The following FBXO25 variants were observed in gnomAD, a reference collection of about 807,000 sequenced individuals.
FBXO25 encodes the protein F-box only protein 25.
In FBXO25, 45 loss-of-function variants were observed where a neutral mutation model predicts 51.9. That is an observed-to-expected ratio of 0.87 (90% CI 0.68 to 1.11). FBXO25 has a LOEUF of 1.11. FBXO25 is among the 50% of genes most tolerant of loss of function. The probability of loss-of-function intolerance (pLI) is 0.00; values close to 1 mark genes in which losing one functional copy is unlikely to be tolerated. For missense variants in FBXO25, 507 were observed against 428.5 expected, an observed-to-expected ratio of 1.18 and a Z score of -1.62; for synonymous variants, 199 against 151.0, an observed-to-expected ratio of 1.32 and a Z score of -2.33.
At chr8:419,564 A>G (rs1797027687) in intron 2 of FBXO25, among the ~76,000 whole-genome samples, 1 of 152,164 alleles carries the variant, frequency 6.6e-6, no homozygotes, top group African/African-American at 2.4e-5. Flanking sequence ...TCCATGGAGA[A>G]AGTGTAATCT....
In FBXO25 at chr8:469,759, G is replaced by C. The variant is rs761440202; in HGVS notation, c.*955G>C. Reference sequence around the variant, plus strand: ...TGAAAAATCCCCTCAGCAGGCATAGGATAGAAACGTATTGTTGTATATTTC... The same window carrying C: ...TGAAAAATCCCCTCAGCAGGCATAGCATAGAAACGTATTGTTGTATATTTC... On this transcript the variant is annotated 3_prime_UTR_variant, in exon 10 of 10. Coordinates refer to ENST00000350302, the MANE Select transcript of FBXO25 (RefSeq NM_183420.2). 1 of 152,144 alleles carries C rather than the reference G, an allele frequency of 6.6e-6. No homozygotes were observed. The highest frequency in any genetic ancestry group is 1.5e-5 in the Non-Finnish European group (1 of 68,028). 9.4% of individuals were successfully genotyped at this position (152,144 alleles called of 1,614,324 possible). A position where few individuals can be genotyped will look rare whatever the true frequency, so the allele number is the denominator to read the frequency against.
At chr8:425,153 C>G (rs1390651638) in intron 2 of FBXO25, among the ~76,000 whole-genome samples, 2 of 149,556 alleles carry the variant, frequency 1.3e-5, no homozygotes, top group African/African-American at 4.9e-5. Flanking sequence ...TGTCCCATTT[C>G]TATTATAACC....
chr8:418,759 A>T (rs567329803), intron 2 of FBXO25, among the ~76,000 whole-genome samples: 1 of 152,226 alleles, frequency 6.6e-6, no homozygotes, highest in Non-Finnish European at 1.5e-5. Flanking sequence ...GCACAGTGCA[A>T]CAACAGGAGA....
chr8:407,603 G>T (rs1264620977), intron 1 of FBXO25, among the ~76,000 whole-genome samples: 1 of 151,826 alleles, frequency 6.6e-6, no homozygotes, highest in East Asian at 2.0e-4. Context: ...TGTCCGCCTC[G>T]CTGGGCAAGG....
chr8:468,785 T>G lies in FBXO25; in HGVS notation c.1058T>G (p.Ile353Ser). 6.2e-7 allele frequency: 1 copy of G among 1,613,994 alleles called. No homozygotes were observed. The highest frequency in any genetic ancestry group is 8.5e-7 in the Non-Finnish European group (1 of 1,179,994). ...CFTPVSPQHFIDLFKF is the reference protein window; with the variant it reads ...CFTPVSPQHFSDLFKF The stretch of plus-strand genomic sequence containing the variant: ...ACGCCTGTGTCTCCGCAGCACTTCA[T>G]CGACCTCTTCAAGTTTTAAGGGCTG... The change falls in exon 10 of 10, where the codon ATC becomes AGC. Residue 353 changes from isoleucine (I) to serine (S), a missense_variant. Coordinates refer to ENST00000350302, the MANE Select transcript of FBXO25 (RefSeq NM_183420.2).
rs1413798557 is a variant in FBXO25, at chr8:473,659, G to C, written c.*4855G>C. On this transcript the variant is annotated 3_prime_UTR_variant, in exon 10 of 10. Transcript: ENST00000350302. ...GGGCAAGCAGGAGAAGGCACTGCTG[G>C]TGCCACAGGGGTCCTGGGCTGGCTC... 1 of 152,170 alleles carries C rather than the reference G, an allele frequency of 6.6e-6. No individual in the cohort carries two copies. The highest frequency in any genetic ancestry group is 1.5e-5 in the Non-Finnish European group (1 of 68,042). The allele number at this position is 152,170 out of a possible 1,614,324, so 9.4% of individuals were successfully genotyped here.
Position 468,737 on chromosome 8 carries a change from C to CG in FBXO25, c.1012dup (p.Ala338GlyfsTer4). 6.2e-7 allele frequency: 1 copy of CG among 1,613,980 alleles called. No homozygotes were observed. Among genetic ancestry groups the CG allele is most frequent in the South Asian group, 1.1e-5 (1 of 91,056 alleles). On this transcript the variant is annotated frameshift_variant, in exon 10 of 10. Coordinates refer to ENST00000350302, the MANE Select transcript of FBXO25 (RefSeq NM_183420.2). LOFTEE classifies it high-confidence loss of function. ...CAGGACTCAGGACACCCCTGCACGG[C>CG]GGCCGACCCTGACAGCTGCTTCACG...
At chr8:467,675 C>G (rs755521753) in intron 9 of FBXO25, 3 of 1,605,200 alleles carry the variant, frequency 1.9e-6, no homozygotes, top group South Asian at 1.1e-5. Flanking sequence ...TTTTTTCCCT[C>G]CCTTCACTGC....
intron 5 of FBXO25, among the ~76,000 whole-genome samples, chr8:436,404 C>G (rs1378107240): frequency 6.6e-6 from 1 of 152,100 alleles, no homozygotes; most frequent in East Asian, 1.9e-4. Context: ...CTTTTAATTG[C>G]TTTTAGGCAT....
chr8:468,066 C>T (rs757284702), intron 9 of FBXO25: 119 of 1,151,786 alleles, frequency 1.0e-4, no homozygotes, highest in Middle Eastern at 3.6e-4. Flanking sequence ...GCACTGACCC[C>T]AGAGCCTCTG....
At position 469,055 on chromosome 8, in the gene FBXO25, A is replaced by AGT; in HGVS notation, c.*251_*252insGT. On this transcript the variant is annotated 3_prime_UTR_variant, in exon 10 of 10. Coordinates refer to ENST00000350302, the MANE Select transcript of FBXO25 (RefSeq NM_183420.2). ...CATATTAAAATGTGAAATTTTGCGTACTCTCTCTCTCTATATATATAGTTC... is the reference window on the plus strand; with the variant it reads ...CATATTAAAATGTGAAATTTTGCGTAGTCTCTCTCTCTCTATATATATAGTTC... 2.3e-6 allele frequency: 1 copy of AGT among 440,324 alleles called. No individual in the cohort carries two copies. Among genetic ancestry groups the AGT allele is most frequent in the Non-Finnish European group, 4.0e-6 (1 of 251,222 alleles). 27.3% of individuals were successfully genotyped at this position (440,324 alleles called of 1,614,324 possible). A position where few individuals can be genotyped will look rare whatever the true frequency, so the allele number is the denominator to read the frequency against.
chr8:477,954 G>GTTATATAACACTAC (rs1234841838), exon 10 of FBXO25: 1 of 151,918 alleles, frequency 6.6e-6, no homozygotes, highest in Non-Finnish European at 1.5e-5. Flanking sequence ...TCCATTAAAA[G>GTTATATAACACTAC]TTATATAACA....
chr8:411,855 G>C (rs1475993907), intron 1 of FBXO25, among the ~76,000 whole-genome samples: 1 of 152,148 alleles, frequency 6.6e-6, no homozygotes, highest in African/African-American at 2.4e-5. Context: ...GTGGTTTTTA[G>C]CCTCATGCAC....
intron 8 of FBXO25, among the ~76,000 whole-genome samples, chr8:461,549 G>C (rs189497127): frequency 6.6e-6 from 1 of 152,118 alleles, no homozygotes; most frequent in South Asian, 2.1e-4. Flanking sequence ...ACCTCCCACC[G>C]GGTCCCTCCC....
Position 469,819 on chromosome 8 carries a change from C to T in FBXO25, c.*1015C>T, listed in dbSNP as rs769223537. 11 of 152,084 alleles carry T rather than the reference C, an allele frequency of 7.2e-5. No individual in the cohort carries two copies. The highest frequency in any genetic ancestry group is 6.6e-4 in the Admixed American group (10 of 15,262). 9.4% of individuals were successfully genotyped at this position (152,084 alleles called of 1,614,324 possible). On this transcript the variant is annotated 3_prime_UTR_variant, in exon 10 of 10. Coordinates refer to ENST00000350302, the MANE Select transcript of FBXO25 (RefSeq NM_183420.2). ...ATAGGGTCAAGGAGCCCAAGCAAAT[C>T]ATTTCTACTTTTTCCTTTAAGCATA...
intron 1 of FBXO25, among the ~76,000 whole-genome samples, chr8:410,932 C>A (rs935405300): frequency 2.0e-4 from 31 of 152,114 alleles, no homozygotes. Context: ...TGTGGTTGAT[C>A]CAGGAATATT....
intron 1 of FBXO25, among the ~76,000 whole-genome samples, 154 bp from the exon 2 acceptor site, chr8:412,919 A>G (rs1215440977): frequency 6.6e-6 from 1 of 152,178 alleles, no homozygotes; most frequent in East Asian, 1.9e-4. Context: ...GTACTGTGTT[A>G]TTGTCACTGT....
chr8:410,980 A>G (rs1320676023), intron 1 of FBXO25, among the ~76,000 whole-genome samples: 1 of 151,976 alleles, frequency 6.6e-6, no homozygotes, highest in Non-Finnish European at 1.5e-5. Flanking sequence ...TTTTTTCTGT[A>G]TCTTCTAGGA....
At chr8:433,445 G>C (rs1797932444) in intron 4 of FBXO25, among the ~76,000 whole-genome samples, 1 of 152,138 alleles carries the variant, frequency 6.6e-6, no homozygotes, top group African/African-American at 2.4e-5. Flanking sequence ...GCGTGTTTTG[G>C]AGGGCAGGGC....
Sources: allele counts gnomAD v4.1 joint callset (sites outside exome capture counted in the v4.1 genomes callset), GRCh38; gene constraint gnomAD v4.1.1; transcripts MANE v1.5; gene names NCBI Gene and HGNC (gene_info 2026-07-23, HGNC 2026-07-21).